Variants in OR9Q1 observed in about 807,000 individuals in gnomAD.
The protein encoded by OR9Q1 is olfactory receptor 9Q1.
For synonymous variants in OR9Q1, 153 were observed against 148.6 expected (o/e 1.03, Z -0.22); for missense variants, 374 against 378.8 (o/e 0.99, Z 0.11).
chr11:58,144,235 G>A (rs1029324727), intron 2 of OR9Q1, among the ~76,000 whole-genome samples: 2 of 133,518 alleles, frequency 1.5e-5, no homozygotes, highest in African/African-American at 5.8e-5. Context: ...GTGTCCATGT[G>A]TTCTCATTGT....
intron 1 of OR9Q1, chr11:58,030,988 T>G (rs541582571): frequency 1.2e-6 from 2 of 1,614,050 alleles, no homozygotes; most frequent in South Asian, 2.2e-5. Context: ...CCCAGGTAAC[T>G]GAATTTGTCA....
chr11:58,119,032 G>A (rs950365651), intron 2 of OR9Q1: 37 of 1,613,848 alleles, frequency 2.3e-5, no homozygotes, highest in Non-Finnish European at 3.0e-5. Flanking sequence ...GCAGAGCCTG[G>A]GATTCATGGC....
At chr11:58,117,691 G>C (rs1853970659) in intron 2 of OR9Q1, 1 of 152,182 alleles carries the variant, frequency 6.6e-6, no homozygotes, top group East Asian at 1.9e-4. Context: ...GGGTTGCTTG[G>C]TAGGAGAGAA....
At chr11:58,118,572 G>A (rs1447017261) in intron 2 of OR9Q1, 1 of 1,613,856 alleles carries the variant, frequency 6.2e-7, no homozygotes, top group African/African-American at 1.3e-5. Flanking sequence ...TGTTTCTTAA[G>A]CTGTAGATCA....
At position 58,138,123 on chromosome 11, in the gene OR9Q1, G is replaced by A. The variant is rs191249595; in HGVS notation, c.-14-41308G>A. The stretch of plus-strand genomic sequence containing the variant: ...CACATGCTCTCTCTGGCTCATCACC[G>A]TCAACTGCCATCCCCCAATCATGTC... On this transcript the variant is annotated intron_variant, in intron 2 of 2. Coordinates refer to ENST00000335397, the MANE Select transcript of OR9Q1 (RefSeq NM_001005212.4). Among the ~76,000 whole-genome samples the A allele has an allele frequency of 3.3e-5, 5 of 152,190 alleles. No individual in the cohort carries two copies. In the East Asian group the frequency reaches 7.8e-4, roughly 24 times the overall value.
intron 2 of OR9Q1, chr11:58,118,334 C>T: frequency 3.5e-6 from 2 of 566,628 alleles, no homozygotes; most frequent in Non-Finnish European, 6.2e-6. Context: ...CATGGAATTG[C>T]TGGAAACTAA....
intron 2 of OR9Q1, among the ~76,000 whole-genome samples, chr11:58,161,223 C>G (rs112168014): frequency 2.0e-5 from 3 of 149,042 alleles, no homozygotes; most frequent in African/African-American, 4.9e-5. Flanking sequence ...GCACATGTAC[C>G]CTAGAACGTA....
At chr11:58,053,472 T>G (rs1853289093) in intron 1 of OR9Q1, among the ~76,000 whole-genome samples, 1 of 132,160 alleles carries the variant, frequency 7.6e-6, no homozygotes, top group Non-Finnish European at 1.6e-5. Context: ...GGGGGAGGGA[T>G]AGCATTAGGA....
intron 1 of OR9Q1, among the ~76,000 whole-genome samples, chr11:58,039,868 T>C (rs1262146472): frequency 6.6e-6 from 1 of 152,214 alleles, no homozygotes; most frequent in Non-Finnish European, 1.5e-5. Context: ...TAAATCAAGG[T>C]AAAGGTTTTG....
chr11:58,094,724 CT>C (rs1853714552), intron 2 of OR9Q1, among the ~76,000 whole-genome samples: 1 of 152,080 alleles, frequency 6.6e-6, no homozygotes, highest in African/African-American at 2.4e-5. Flanking sequence ...TTGCTTTATT[CT>C]TTTTGAACAC....
At chr11:58,086,360 G>C (rs774032314) in intron 2 of OR9Q1, among the ~76,000 whole-genome samples, 10 of 151,842 alleles carry the variant, frequency 6.6e-5, no homozygotes, top group Non-Finnish European at 1.5e-4. Flanking sequence ...TAAAAGATGA[G>C]TTTTGGTGAG....
Position 58,157,863 on chromosome 11 carries a change from T to C in OR9Q1, c.-14-21568T>C, listed in dbSNP as rs572556515. 2.6e-5 allele frequency among the ~76,000 whole-genome samples: 4 copies of C among 152,352 alleles called. No homozygotes were observed. In the South Asian group the frequency reaches 8.3e-4, roughly 32 times the overall value. On this transcript the variant is annotated intron_variant, in intron 2 of 2. Transcript: ENST00000335397. ...AGGGAGGTGCATTAGCTGATGCTTT[T>C]CTGAGCACTTCAGCTAAATGGCAGA...
Position 58,180,469 on chromosome 11 carries a change from A to G in OR9Q1, c.*92A>G. 1 of 754,966 alleles carries G rather than the reference A, an allele frequency of 1.3e-6. No homozygotes were observed. Among genetic ancestry groups the G allele is most frequent in the South Asian group, 2.2e-5 (1 of 45,350 alleles). The allele number at this position is 754,966 out of a possible 1,614,324, so 46.8% of individuals were successfully genotyped here. ...TATTTATAGCATGCTCAATGTTTAA[A>G]TGAATATATTATGGTACTAGGTATA... On this transcript the variant is annotated 3_prime_UTR_variant, in exon 3 of 3. Transcript: ENST00000335397.
chr11:58,065,769 C>A (rs1186664058), intron 2 of OR9Q1, among the ~76,000 whole-genome samples: 1 of 152,176 alleles, frequency 6.6e-6, no homozygotes, highest in East Asian at 1.9e-4. Flanking sequence ...GGCATTGAGA[C>A]CCAGAGAGAG....
chr11:58,094,752 A>G (rs148835087), intron 2 of OR9Q1, among the ~76,000 whole-genome samples: 1,535 of 152,334 alleles, frequency 0.01, 12 homozygotes, highest in Middle Eastern at 0.044. Flanking sequence ...TTGAAATTAA[A>G]AAATGAACAA....
intron 2 of OR9Q1, among the ~76,000 whole-genome samples, chr11:58,074,056 T>A (rs1261275272): frequency 6.6e-6 from 1 of 152,236 alleles, no homozygotes; most frequent in Admixed American, 6.5e-5. Context: ...CTATCATTGA[T>A]GGGCATTTGG....
intron 2 of OR9Q1, among the ~76,000 whole-genome samples, chr11:58,168,591 GT>G (rs997386441): frequency 5.9e-5 from 9 of 151,554 alleles, no homozygotes; most frequent in African/African-American, 1.7e-4. Context: ...TTTATTTGTT[GT>G]TTTTTTTTTT....
At position 58,151,207 on chromosome 11, in the gene OR9Q1, G is replaced by C. The variant is rs1854348173; in HGVS notation, c.-14-28224G>C. 2.6e-5 allele frequency among the ~76,000 whole-genome samples: 4 copies of C among 152,162 alleles called. No individual in the cohort carries two copies. In the South Asian group the frequency reaches 8.3e-4, roughly 32 times the overall value. Reference sequence around the variant, plus strand: ...CTTTTACTGAGATCCTTAATACAATGAGAGGAGATGTCATATAAAAAGTCT... The same window carrying C: ...CTTTTACTGAGATCCTTAATACAATCAGAGGAGATGTCATATAAAAAGTCT... On this transcript the variant is annotated intron_variant, in intron 2 of 2. Transcript: ENST00000335397.
Position 58,082,746 on chromosome 11 carries a change from T to TAATAATAATAAC in OR9Q1, c.-15+26810_-15+26811insCAATAATAATAA, listed in dbSNP as rs1414379476. Among the ~76,000 whole-genome samples the TAATAATAATAAC allele has an allele frequency of 3.5e-3, 463 of 131,196 alleles. 2 individuals are homozygous for TAATAATAATAAC. Among genetic ancestry groups the TAATAATAATAAC allele is most frequent in the African/African-American group, 0.011 (417 of 37,550 alleles). The allele number at this position is 131,196 out of a possible 152,430, so 86.1% of individuals were successfully genotyped here. The stretch of plus-strand genomic sequence containing the variant: ...ATGTACCCTAAAACTTAAAGTATAA[T>TAATAATAATAAC]AATAATAATAATAATAATAATAATA... On this transcript the variant is annotated intron_variant, in intron 2 of 2. Coordinates refer to ENST00000335397, the MANE Select transcript of OR9Q1 (RefSeq NM_001005212.4).
Sources: gnomAD v4.1 joint callset for allele counts (sites outside exome capture counted in the v4.1 genomes callset) on GRCh38, gnomAD v4.1.1 for gene constraint, MANE v1.5 for transcripts, NCBI Gene and HGNC (gene_info 2026-07-23, HGNC 2026-07-21) for gene names.